NEK11: variants seen among roughly 807,000 people sequenced by gnomAD.
NEK11 encodes NIMA related kinase 11.
NEK11 carries 72 observed loss-of-function variants against 80.7 expected under a neutral mutation model. The ratio of observed to expected loss-of-function variants is 0.89; its 90% CI spans 0.74 to 1.08. The LOEUF (loss-of-function observed/expected upper bound fraction) is 1.08, where lower values mean the gene tolerates loss of function less well. NEK11 is among the 50% of genes least tolerant of loss of function. The probability of loss-of-function intolerance (pLI) is 0.00; values close to 1 mark genes in which losing one functional copy is unlikely to be tolerated. For missense variants in NEK11, 764 were observed against 763.6 expected, an observed-to-expected ratio of 1.00 and a Z score of -0.01; for synonymous variants, 251 against 260.7, an observed-to-expected ratio of 0.96 and a Z score of 0.36.
chr3:131,120,554 A>T (rs578117376), intron 5 of NEK11, among the ~76,000 whole-genome samples: 1 of 152,214 alleles, frequency 6.6e-6, no homozygotes, highest in East Asian at 1.9e-4. Context: ...GTTCTTCTGG[A>T]TAATATCCTG....
chr3:131,344,270 G>A lies in NEK11; in HGVS notation c.1719-5287G>A, dbSNP rs2097329532. ...ATCCCTAGGGCATAGACAGAATGCA[G>A]CTAAGCTCTTTGGTAAGGCATAACA... On this transcript the variant is annotated intron_variant, in intron 17 of 17. Transcript: ENST00000383366. 3.3e-5 allele frequency among the ~76,000 whole-genome samples: 5 copies of A among 152,340 alleles called. No homozygotes were observed. In the South Asian group the frequency reaches 1.0e-3, roughly 32 times the overall value.
chr3:131,153,898 G>A (rs577591626), intron 9 of NEK11, among the ~76,000 whole-genome samples: 17 of 152,306 alleles, frequency 1.1e-4, no homozygotes, highest in Admixed American at 9.8e-4. Context: ...AGGGAGAAAG[G>A]AAGGGCTTTG....
At chr3:131,182,639 G>T (rs962703789) in intron 14 of NEK11, among the ~76,000 whole-genome samples, 8 of 152,104 alleles carry the variant, frequency 5.3e-5, no homozygotes, top group Admixed American at 2.6e-4. Flanking sequence ...TCTGGCCAAG[G>T]CTCGTTTAAA....
chr3:131,242,975 A>G (rs2095541525), intron 15 of NEK11, among the ~76,000 whole-genome samples: 1 of 152,156 alleles, frequency 6.6e-6, no homozygotes, highest in Non-Finnish European at 1.5e-5. Flanking sequence ...AAGACCATAC[A>G]TTTCCAAAGA....
intron 14 of NEK11, among the ~76,000 whole-genome samples, chr3:131,220,976 A>G (rs538540992): frequency 2.6e-5 from 4 of 152,328 alleles, no homozygotes; most frequent in South Asian, 2.1e-4. Flanking sequence ...TATGTGAAAA[A>G]GAGGAAAGGG....
chr3:131,235,601 A>AG lies in NEK11; in HGVS notation c.1560+6917dup, dbSNP rs972716406. Among the ~76,000 whole-genome samples, 104 of 152,158 alleles carry AG rather than the reference A, an allele frequency of 6.8e-4. 3 individuals are homozygous for AG. Among genetic ancestry groups the AG allele is most frequent in the Admixed American group, 6.8e-3 (104 of 15,254 alleles). ...ACATAACCTGGTAATCTGAAGGCACAGGGGTCTATGTCATCCCTGGGAAAA... is the reference window on the plus strand; with the variant it reads ...ACATAACCTGGTAATCTGAAGGCACAGGGGGTCTATGTCATCCCTGGGAAAA... On this transcript the variant is annotated intron_variant, in intron 15 of 17. Coordinates refer to ENST00000383366, the MANE Select transcript of NEK11 (RefSeq NM_024800.5).
intron 14 of NEK11, among the ~76,000 whole-genome samples, chr3:131,177,041 A>G (rs556679950): frequency 6.6e-6 from 1 of 152,336 alleles, no homozygotes; most frequent in African/African-American, 2.4e-5. Flanking sequence ...GTAAAACCTT[A>G]TAGAATGTGT....
At chr3:131,277,642 C>T (rs941515490) in intron 17 of NEK11, among the ~76,000 whole-genome samples, 7 of 152,290 alleles carry the variant, frequency 4.6e-5, no homozygotes, top group East Asian at 1.9e-4. Context: ...AAACTGGGGG[C>T]CCTGGGGCTT....
At chr3:131,259,803 C>T (rs1229193971) in intron 16 of NEK11, among the ~76,000 whole-genome samples, 1 of 152,162 alleles carries the variant, frequency 6.6e-6, no homozygotes, top group Non-Finnish European at 1.5e-5. Flanking sequence ...CCTGAAGGGG[C>T]CACAGCTGGA....
At chr3:131,134,023 G>A (rs2085056590) in intron 7 of NEK11, 67 bp downstream of exon 7, 1 of 1,402,568 alleles carries the variant, frequency 7.1e-7, no homozygotes, top group East Asian at 2.4e-5. Context: ...TTGTCTTTCA[G>A]CTCATTTACT....
In NEK11 at chr3:131,274,632, C is replaced by CTTTTTTTTTTT. The variant is rs756861338; in HGVS notation, c.1718+1080_1718+1090dup. Reference sequence around the variant, plus strand: ...CTCTCCAGCACCTGTTGTTTCCTGACTTTTTTTTTTTTTTTTTTTTTTTTT... The same window carrying CTTTTTTTTTTT: ...CTCTCCAGCACCTGTTGTTTCCTGACTTTTTTTTTTTTTTTTTTTTTTTTTTTTTTTTTTTT... On this transcript the variant is annotated intron_variant, in intron 17 of 17. Transcript: ENST00000383366. Among the ~76,000 whole-genome samples the CTTTTTTTTTTT allele has an allele frequency of 2.9e-4, 13 of 45,338 alleles. 5 individuals carry two copies. Among genetic ancestry groups the CTTTTTTTTTTT allele is most frequent in the South Asian group, 2.2e-3 (2 of 916 alleles). 29.7% of individuals were successfully genotyped at this position (45,338 alleles called of 152,430 possible). A position where few individuals can be genotyped will look rare whatever the true frequency, so the allele number is the denominator to read the frequency against.
intron 3 of NEK11, among the ~76,000 whole-genome samples, 174 bp downstream of exon 3, chr3:131,030,052 C>T (rs2064562299): frequency 6.6e-6 from 1 of 152,070 alleles, no homozygotes. Flanking sequence ...CCAGCCTGGC[C>T]AACATGGCAA....
At chr3:131,340,772 T>G (rs1423357770) in intron 17 of NEK11, among the ~76,000 whole-genome samples, 1 of 152,158 alleles carries the variant, frequency 6.6e-6, no homozygotes, top group Non-Finnish European at 1.5e-5. Context: ...TCTAGTCCCC[T>G]ATTTGTCCCC....
chr3:131,031,551 G>A (rs979734896), intron 3 of NEK11, among the ~76,000 whole-genome samples: 4 of 152,176 alleles, frequency 2.6e-5, no homozygotes, highest in African/African-American at 9.7e-5. Context: ...TTAAAAGGAT[G>A]TAAAATAAGA....
At chr3:131,160,436 T>C (rs1431434061) in intron 10 of NEK11, among the ~76,000 whole-genome samples, 3 of 152,034 alleles carry the variant, frequency 2.0e-5, no homozygotes, top group African/African-American at 4.8e-5. Context: ...AAGCACTAAA[T>C]ATAGAAAGGA....
At chr3:131,066,545 G>A (rs2071992817) in intron 3 of NEK11, among the ~76,000 whole-genome samples, 1 of 152,022 alleles carries the variant, frequency 6.6e-6, no homozygotes, top group Non-Finnish European at 1.5e-5. Flanking sequence ...ATTTGGAAGT[G>A]GGGGCCAGGT....
At chr3:131,250,296 A>G (rs767541370) in intron 16 of NEK11, among the ~76,000 whole-genome samples, 23 of 152,058 alleles carry the variant, frequency 1.5e-4, no homozygotes, top group Non-Finnish European at 2.8e-4. Context: ...TAAGAAAAAT[A>G]TCTAGAGAGA....
chr3:131,325,814 T>C (rs1042372097), intron 17 of NEK11: 1 of 152,238 alleles, frequency 6.6e-6, no homozygotes, highest in African/African-American at 2.4e-5. Flanking sequence ...GAGTTGTTAC[T>C]ACTTAATTGC....
At chr3:131,089,595 C>A (rs149882749) in intron 4 of NEK11, among the ~76,000 whole-genome samples, 1 of 152,080 alleles carries the variant, frequency 6.6e-6, no homozygotes, top group Non-Finnish European at 1.5e-5. Context: ...TGTGCCACCA[C>A]GCCTGGCTAA....
Sources: allele counts gnomAD v4.1 joint callset (sites outside exome capture counted in the v4.1 genomes callset), GRCh38; gene constraint gnomAD v4.1.1; transcripts MANE v1.5; gene names NCBI Gene and HGNC (gene_info 2026-07-23, HGNC 2026-07-21).